Variants in SV2C observed in about 807,000 individuals in gnomAD.
SV2C encodes solute carrier family 22 member B3.
In SV2C, 49 loss-of-function variants were observed where a neutral mutation model predicts 79.7. The ratio of observed to expected loss-of-function variants is 0.61; its 90% CI spans 0.49 to 0.78. The LOEUF (loss-of-function observed/expected upper bound fraction) is 0.78. Among genes scored for constraint, SV2C ranks in the 30% least tolerant of loss-of-function variants. SV2C has a pLI of 0.00. For missense variants in SV2C, 833 were observed against 912.9 expected, an observed-to-expected ratio of 0.91 and a Z score of 1.13; for synonymous variants, 334 against 333.2, an observed-to-expected ratio of 1.00 and a Z score of -0.03.
the SV2C span, among the ~76,000 whole-genome samples, chr5:75,981,675 T>C: frequency 1.3e-5 from 2 of 152,104 alleles, no homozygotes; most frequent in African/African-American, 2.4e-5. Flanking sequence ...GTGCAGAGGA[T>C]TGAAACTGGA....
At chr5:76,265,439 G>A (rs1274359087) in intron 4 of SV2C, among the ~76,000 whole-genome samples, 2 of 152,204 alleles carry the variant, frequency 1.3e-5, no homozygotes, top group African/African-American at 2.4e-5. Flanking sequence ...CCTGGCTGAA[G>A]CCTTTCAAGG....
chr5:75,888,805 T>C, the SV2C span, among the ~76,000 whole-genome samples: 1 of 152,126 alleles, frequency 6.6e-6, no homozygotes, highest in Non-Finnish European at 1.5e-5. Context: ...TTTTGCCCTA[T>C]GCTATACCTA....
At chr5:76,210,287 G>GC (rs1561265635) in intron 4 of SV2C, among the ~76,000 whole-genome samples, 3 of 152,142 alleles carry the variant, frequency 2.0e-5, no homozygotes, top group Non-Finnish European at 4.4e-5. Context: ...CCACAAGACT[G>GC]CCCCCCATTT....
the SV2C span, among the ~76,000 whole-genome samples, chr5:75,863,266 C>T: frequency 6.6e-6 from 1 of 152,110 alleles, no homozygotes; most frequent in Non-Finnish European, 1.5e-5. Flanking sequence ...AGCAAAATCT[C>T]AGAAATTACC....
At chr5:76,349,684 T>C (rs1187598157) in intron 12 of SV2C, among the ~76,000 whole-genome samples, 1 of 151,860 alleles carries the variant, frequency 6.6e-6, no homozygotes, top group African/African-American at 2.4e-5. Context: ...TTTTTTTTTT[T>C]TTTGAAGCAA....
At chr5:76,125,602 A>G (rs1748678594) in intron 1 of SV2C, among the ~76,000 whole-genome samples, 1 of 152,206 alleles carries the variant, frequency 6.6e-6, no homozygotes, top group Admixed American at 6.5e-5. Context: ...CATACTCCAC[A>G]TGAAGTAAGT....
chr5:75,932,914 A>C, the SV2C span, among the ~76,000 whole-genome samples: 1 of 152,148 alleles, frequency 6.6e-6, no homozygotes, highest in Non-Finnish European at 1.5e-5. Flanking sequence ...GGAACTATTT[A>C]ATAAATGATG....
chr5:76,050,336 C>A, the SV2C span, among the ~76,000 whole-genome samples: 1 of 152,084 alleles, frequency 6.6e-6, no homozygotes. Flanking sequence ...AAGAGAAGTA[C>A]ACAAACCCAG....
At chr5:76,085,483 T>C (rs960674050) in intron 1 of SV2C, among the ~76,000 whole-genome samples, 1 of 151,960 alleles carries the variant, frequency 6.6e-6, no homozygotes, top group African/African-American at 2.4e-5. Context: ...CTGGCTTTAC[T>C]GAAGGAGCCC....
At chr5:76,179,160 T>G (rs1743639005) in intron 2 of SV2C, among the ~76,000 whole-genome samples, 1 of 152,184 alleles carries the variant, frequency 6.6e-6, no homozygotes, top group South Asian at 2.1e-4. Context: ...AGTCTGGGTG[T>G]CTTCACTATG....
At chr5:75,956,045 G>A in the SV2C span, among the ~76,000 whole-genome samples, 9 of 135,674 alleles carry the variant, frequency 6.6e-5, no homozygotes, top group African/African-American at 8.2e-5. Flanking sequence ...CCCATTACTG[G>A]GTATATACCC....
chr5:75,920,976 C>T, the SV2C span: 2 of 713,640 alleles, frequency 2.8e-6, no homozygotes, highest in Non-Finnish European at 5.1e-6. Flanking sequence ...AGGTGATGCT[C>T]CAGTGCTGTG....
intron 4 of SV2C, among the ~76,000 whole-genome samples, chr5:76,256,829 A>T (rs145808675): frequency 6.6e-6 from 1 of 152,232 alleles, no homozygotes; most frequent in Non-Finnish European, 1.5e-5. Context: ...TCTAGTTTAC[A>T]TCTTCATTTT....
the SV2C span, among the ~76,000 whole-genome samples, chr5:75,893,137 T>A: frequency 6.6e-6 from 1 of 152,146 alleles, no homozygotes; most frequent in African/African-American, 2.4e-5. Context: ...TAAGATGGTA[T>A]CTCATTGTGG....
chr5:75,893,450 G>A, the SV2C span, among the ~76,000 whole-genome samples: 21 of 152,094 alleles, frequency 1.4e-4, no homozygotes, highest in African/African-American at 4.3e-4. Context: ...TTGCAGCAAC[G>A]TGGAAGCAGC....
chr5:76,164,721 A>AGTTTGTGTGTGT (rs1742996097), intron 2 of SV2C, among the ~76,000 whole-genome samples: 1 of 141,794 alleles, frequency 7.1e-6, no homozygotes, highest in African/African-American at 2.7e-5. Context: ...GATGGAACTC[A>AGTTTGTGTGTGT]GTGTGTGTGT....
chr5:76,207,668 C>A (rs1457918404), intron 3 of SV2C, among the ~76,000 whole-genome samples: 2 of 152,138 alleles, frequency 1.3e-5, no homozygotes, highest in Non-Finnish European at 2.9e-5. Context: ...AAGGGCCTCA[C>A]TCTGTCACCC....
chr5:76,321,728 C>T lies in SV2C; in HGVS notation c.2001-3636C>T, dbSNP rs980217176. 4.8e-5 allele frequency among the ~76,000 whole-genome samples: 7 copies of T among 145,400 alleles called. No homozygotes were observed. The East Asian group carries it at 8.1e-4, about 17-fold the overall frequency. The stretch of plus-strand genomic sequence containing the variant: ...TGCACTCCAGCCTGGGTGACATGAG[C>T]GAGACCCTATCATCTCTGAAAAAAA... On this transcript the variant is annotated intron_variant, in intron 12 of 12. Coordinates refer to ENST00000502798, the MANE Select transcript of SV2C (RefSeq NM_014979.4).
rs1439457930 is a variant in SV2C at position 76,333,406 on chromosome 5, C to CT, written c.*7862dup. The CT allele has an allele frequency of 6.6e-6, 1 of 152,180 alleles. No individual in the cohort carries two copies. The highest frequency in any genetic ancestry group is 2.4e-5 in the African/African-American group (1 of 41,452). The allele number at this position is 152,180 out of a possible 1,614,324, so 9.4% of individuals were successfully genotyped here. A position where few individuals can be genotyped will look rare whatever the true frequency, so the allele number is the denominator to read the frequency against. ...AAATAACATGATAGAAGAGTTTTCTCTTTCAGGTGAACTTCCATTTTGAAC... is the reference window on the plus strand; with the variant it reads ...AAATAACATGATAGAAGAGTTTTCTCTTTTCAGGTGAACTTCCATTTTGAAC... On this transcript the variant is annotated 3_prime_UTR_variant, in exon 13 of 13. Coordinates refer to ENST00000502798, the MANE Select transcript of SV2C (RefSeq NM_014979.4).
Sources: allele counts gnomAD v4.1 joint callset (sites outside exome capture counted in the v4.1 genomes callset), GRCh38; gene constraint gnomAD v4.1.1; transcripts MANE v1.5; gene names NCBI Gene and HGNC (gene_info 2026-07-23, HGNC 2026-07-21).